FAM135B: variants seen among roughly 807,000 people sequenced by gnomAD.
FAM135B encodes the protein protein FAM135B.
FAM135B carries 43 observed loss-of-function variants against 127.7 expected under a neutral mutation model. The ratio of observed to expected loss-of-function variants is 0.34; its 90% CI spans 0.26 to 0.43. FAM135B has a LOEUF of 0.43. FAM135B is among the 20% of genes least tolerant of loss of function. FAM135B has a pLI of 1.00. For missense variants in FAM135B, 1,558 were observed against 1,725.6 expected, an observed-to-expected ratio of 0.90 and a Z score of 1.72; for synonymous variants, 670 against 665.1, an observed-to-expected ratio of 1.01 and a Z score of -0.11.
intron 1 of FAM135B, among the ~76,000 whole-genome samples, chr8:138,408,396 C>A (rs1833658569): frequency 6.6e-6 from 1 of 152,130 alleles, no homozygotes; most frequent in Admixed American, 6.5e-5. Flanking sequence ...GAGATGGTTT[C>A]TTTCGTTAAA....
chr8:138,389,426 T>C (rs1334317828), intron 1 of FAM135B, among the ~76,000 whole-genome samples: 1 of 152,176 alleles, frequency 6.6e-6, no homozygotes, highest in Admixed American at 6.5e-5. Context: ...CATCAACTGA[T>C]AAATGGATAA....
chr8:138,184,228 A>G (rs767145758), intron 9 of FAM135B, among the ~76,000 whole-genome samples: 1 of 152,230 alleles, frequency 6.6e-6, no homozygotes, highest in Non-Finnish European at 1.5e-5. Context: ...AAGGTCTGAA[A>G]TACAAGGTGT....
chr8:138,451,798 T>C (rs1487825784), intron 1 of FAM135B, among the ~76,000 whole-genome samples: 1 of 151,490 alleles, frequency 6.6e-6, no homozygotes, highest in Non-Finnish European at 1.5e-5. Flanking sequence ...CAGATAAATG[T>C]CCAAAAATAT....
chr8:138,217,929 T>A (rs1386807109), intron 7 of FAM135B, among the ~76,000 whole-genome samples: 1 of 152,192 alleles, frequency 6.6e-6, no homozygotes, highest in Non-Finnish European at 1.5e-5. Flanking sequence ...AGGGATTCTT[T>A]TAGGCCATCT....
chr8:138,407,555 C>G (rs78838665), intron 1 of FAM135B, among the ~76,000 whole-genome samples: 12,154 of 152,198 alleles, frequency 0.08, 621 homozygotes, highest in East Asian at 0.21. Context: ...GGTACCAAAA[C>G]AGTGACATAG....
At chr8:138,270,232 A>G (rs1823271222) in intron 3 of FAM135B, among the ~76,000 whole-genome samples, 1 of 152,170 alleles carries the variant, frequency 6.6e-6, no homozygotes, top group Admixed American at 6.5e-5. Context: ...GAGATAGGCA[A>G]CCATGGTCTT....
chr8:138,426,017 A>G (rs1834849326), intron 1 of FAM135B, among the ~76,000 whole-genome samples: 1 of 18,204 alleles, frequency 5.5e-5, no homozygotes, highest in African/African-American at 6.0e-4. Context: ...ATATATACAC[A>G]CACATACATA....
Position 138,256,746 on chromosome 8 carries a change from A to G in FAM135B, c.311T>C (p.Leu104Pro). The G allele has an allele frequency of 6.2e-7, 1 of 1,613,904 alleles. No individual in the cohort carries two copies. Among genetic ancestry groups the G allele is most frequent in the Non-Finnish European group, 8.5e-7 (1 of 1,179,878 alleles). The part of the protein sequence containing the change: ...LLGGERMEDA[L>P]SEVDFQLKVD... ...CTTGAGTTGAAAATCTACTTCACTC[A>G]GTGCGTCTTCCATCTGCAAAAGAAA... Residue 104 changes from leucine to proline, a missense_variant, in exon 5 of 20, where the codon CTG becomes CCG. Physicochemically the swap from Leu to Pro is moderately conservative, Grantham distance 98 (BLOSUM62 -3). This residue lies in a region of FAM135B where 199 missense variants were observed against 245.7 expected (regional missense o/e 0.81). Coordinates refer to ENST00000395297, the MANE Select transcript of FAM135B (RefSeq NM_015912.4).
intron 2 of FAM135B, among the ~76,000 whole-genome samples, chr8:138,342,257 T>C (rs949104453): frequency 6.6e-6 from 1 of 151,720 alleles, no homozygotes; most frequent in African/African-American, 2.4e-5. Context: ...CTCAAGGGAG[T>C]AATCCAGGCA....
At chr8:138,236,817 C>T (rs1036744257) in intron 7 of FAM135B, among the ~76,000 whole-genome samples, 2 of 152,128 alleles carry the variant, frequency 1.3e-5, no homozygotes, top group African/African-American at 4.8e-5. Flanking sequence ...GTTTCATGTA[C>T]AACATGGTGA....
chr8:138,479,422 G>A (rs1198150634), intron 1 of FAM135B, among the ~76,000 whole-genome samples: 2 of 152,034 alleles, frequency 1.3e-5, no homozygotes, highest in Non-Finnish European at 2.9e-5. Flanking sequence ...CCTCGTCTAG[G>A]GGCTTTCCAA....
rs895680538 is a variant in FAM135B at position 138,218,305 on chromosome 8, A to G, written c.670-20636T>C. On this transcript the variant is annotated intron_variant, in intron 7 of 19. Coordinates refer to ENST00000395297, the MANE Select transcript of FAM135B (RefSeq NM_015912.4). ...CAGGAGAAGGAAAAAGATGAGAGCT[A>G]CCATTTATTCAATATTTACCATAAG... Among the ~76,000 whole-genome samples the G allele has an allele frequency of 5.3e-5, 8 of 152,228 alleles. No homozygotes were observed. The South Asian group carries it at 1.7e-3, about 31-fold the overall frequency.
intron 1 of FAM135B, among the ~76,000 whole-genome samples, chr8:138,485,771 G>A (rs1814960706): frequency 6.6e-6 from 1 of 152,106 alleles, no homozygotes; most frequent in Non-Finnish European, 1.5e-5. Flanking sequence ...AGGGAAATAG[G>A]GGAGATCACT....
At position 138,314,131 on chromosome 8, in the gene FAM135B, C is replaced by G. The variant is rs569020391; in HGVS notation, c.78-3211G>C. ...GGATGTGTGTTAGATGAGCTTCACT[C>G]AGCTATGAGTTACAGTGCTGCTGAC... On this transcript the variant is annotated intron_variant, in intron 2 of 19. Coordinates refer to ENST00000395297, the MANE Select transcript of FAM135B (RefSeq NM_015912.4). 2.0e-5 allele frequency among the ~76,000 whole-genome samples: 3 copies of G among 152,248 alleles called. No homozygotes were observed. The South Asian group carries it at 6.2e-4, about 32-fold the overall frequency.
chr8:138,200,906 G>T (rs1387370453), intron 7 of FAM135B, among the ~76,000 whole-genome samples: 1 of 152,196 alleles, frequency 6.6e-6, no homozygotes, highest in East Asian at 1.9e-4. Context: ...AGTGACATGT[G>T]CAAGGTCACT....
intron 7 of FAM135B, among the ~76,000 whole-genome samples, chr8:138,214,856 T>C (rs907604137): frequency 2.0e-5 from 3 of 152,134 alleles, no homozygotes; most frequent in African/African-American, 4.8e-5. Flanking sequence ...TAGGTGAAGA[T>C]GGAGCAGAGG....
intron 12 of FAM135B, among the ~76,000 whole-genome samples, chr8:138,160,613 G>C (rs184679636): frequency 3.3e-5 from 5 of 151,018 alleles, no homozygotes; most frequent in African/African-American, 1.2e-4. Flanking sequence ...GCCCAGGCTG[G>C]TCTCGAACTC....
At chr8:138,385,468 T>C (rs938632248) in intron 1 of FAM135B, among the ~76,000 whole-genome samples, 1 of 152,144 alleles carries the variant, frequency 6.6e-6, no homozygotes, top group Non-Finnish European at 1.5e-5. Flanking sequence ...GAGCCCAGTC[T>C]TAAAGAAATC....
intron 3 of FAM135B, among the ~76,000 whole-genome samples, chr8:138,301,777 T>C (rs1488208690): frequency 6.6e-6 from 1 of 152,262 alleles, no homozygotes; most frequent in Admixed American, 6.5e-5. Flanking sequence ...AAGACCTGGA[T>C]GACTCCAAAT....
Sources: gnomAD v4.1 joint callset for allele counts (sites outside exome capture counted in the v4.1 genomes callset) on GRCh38, gnomAD v4.1.1 for gene constraint, gnomAD v4.1.1 regional missense constraint, MANE v1.5 for transcripts, NCBI Gene and HGNC (gene_info 2026-07-23, HGNC 2026-07-21) for gene names.